Variants in CCDC85C observed in about 807,000 individuals in gnomAD.
CCDC85C encodes coiled-coil domain containing 85C.
CCDC85C carries 18 observed loss-of-function variants against 38.3 expected under a neutral mutation model. The ratio of observed to expected loss-of-function variants is 0.47; its 90% CI spans 0.33 to 0.70. CCDC85C has a LOEUF of 0.70. CCDC85C is among the 30% of genes least tolerant of loss of function. The probability of loss-of-function intolerance (pLI) is 0.03; values close to 1 mark genes in which losing one functional copy is unlikely to be tolerated. For missense variants in CCDC85C, 566 were observed against 621.2 expected, an observed-to-expected ratio of 0.91 and a Z score of 0.94; for synonymous variants, 264 against 293.8, an observed-to-expected ratio of 0.90 and a Z score of 1.04.
rs1178865808 is a variant in CCDC85C, at chr14:99,510,521, C to T, written c.*4725G>A. ...CTGTGCCTCCTCCCCCAGCCTCCTT[C>T]CCCCCACCTGCCATCCCACCCCCTA... is the stretch of plus-strand genomic sequence containing the variant. On this transcript the variant is annotated 3_prime_UTR_variant, in exon 6 of 6. Transcript: ENST00000380243. The T allele has an allele frequency of 3.5e-5, 20 of 566,056 alleles. No individual in the cohort carries two copies. In the African/African-American group the frequency reaches 4.5e-4, roughly 13 times the overall value. 35.1% of individuals were successfully genotyped at this position (566,056 alleles called of 1,614,324 possible). A position where few individuals can be genotyped will look rare whatever the true frequency, so the allele number is the denominator to read the frequency against.
intron 1 of CCDC85C, among the ~76,000 whole-genome samples, chr14:99,589,511 C>G (rs897100590): frequency 6.6e-6 from 1 of 152,146 alleles, no homozygotes; most frequent in Non-Finnish European, 1.5e-5. Flanking sequence ...CAGGCAGGAG[C>G]CTCACCAACT....
intron 1 of CCDC85C, among the ~76,000 whole-genome samples, chr14:99,595,914 T>C (rs2055137988): frequency 6.6e-6 from 1 of 152,202 alleles, no homozygotes; most frequent in South Asian, 2.1e-4. Context: ...AGGCACACGT[T>C]TGTTCCATCC....
chr14:99,507,141 C>T lies in CCDC85C; in HGVS notation c.*8105G>A. On this transcript the variant is annotated 3_prime_UTR_variant, in exon 6 of 6. Transcript: ENST00000380243. ...TCCACCGTTGCCTCCAGCCCACCCA[C>T]CTCCAGGTAAGCATCTGCTGAAGCA... 6.2e-7 allele frequency: 1 copy of T among 1,600,902 alleles called. No homozygotes were observed. The highest frequency in any genetic ancestry group is 8.6e-7 in the Non-Finnish European group (1 of 1,168,044).
rs547149751 is a variant in CCDC85C at position 99,516,326 on chromosome 14, C to T, written c.1072-40G>A. 1,141 of 1,438,770 alleles carry T rather than the reference C, an allele frequency of 7.9e-4. 21 individuals carry two copies. The South Asian group carries it at 0.013, about 17-fold the overall frequency. 89.1% of individuals were successfully genotyped at this position (1,438,770 alleles called of 1,614,324 possible). On this transcript the variant is annotated intron_variant, in intron 4 of 5. Coordinates refer to ENST00000380243, the MANE Select transcript of CCDC85C (RefSeq NM_001144995.2). The surrounding 1 kb of genome is among the most constrained non-coding windows in gnomAD (Gnocchi z 5.5). ...TCTCGGGGTCAGGGGCAGAGGCCACCGGCAGACCTCGGGCAAGTCACCTGG... is the reference window on the plus strand; with the variant it reads ...TCTCGGGGTCAGGGGCAGAGGCCACTGGCAGACCTCGGGCAAGTCACCTGG...
chr14:99,518,103 A>G (rs1168177439), intron 3 of CCDC85C, among the ~76,000 whole-genome samples: 1 of 152,044 alleles, frequency 6.6e-6, no homozygotes, highest in Non-Finnish European at 1.5e-5. Context: ...ACGCCTCCCA[A>G]CGGCCTGGCA....
Position 99,516,118 on chromosome 14 carries a change from T to C in CCDC85C, c.1170+70A>G. 2 of 1,169,284 alleles carry C rather than the reference T, an allele frequency of 1.7e-6. No homozygotes were observed. Among genetic ancestry groups the C allele is most frequent in the East Asian group, 5.1e-5 (2 of 39,238 alleles). 72.4% of individuals were successfully genotyped at this position (1,169,284 alleles called of 1,614,324 possible). Reference sequence around the variant, plus strand: ...ATGGAGTCCCACATGGGGAAGGGTATGGCCATGCTGGGTGGCCCTGGTCGC... The same window carrying C: ...ATGGAGTCCCACATGGGGAAGGGTACGGCCATGCTGGGTGGCCCTGGTCGC... On this transcript the variant is annotated intron_variant, in intron 5 of 5. Transcript: ENST00000380243. The surrounding 1 kb of genome is among the most constrained non-coding windows in gnomAD (Gnocchi z 5.5).
In CCDC85C at chr14:99,542,754, G is replaced by A. The variant is rs114964984; in HGVS notation, c.794-6666C>T. 7.0e-3 allele frequency among the ~76,000 whole-genome samples: 1,070 copies of A among 152,358 alleles called. 7 individuals are homozygous for A. The highest frequency in any genetic ancestry group is 0.023 in the African/African-American group (965 of 41,586). ...TAACCCTTGGCCGCTGCTTCATCCC[G>A]AGGTGGCCACTGCCCGCATGCCAGG... On this transcript the variant is annotated intron_variant, in intron 1 of 5. Coordinates refer to ENST00000380243, the MANE Select transcript of CCDC85C (RefSeq NM_001144995.2).
intron 1 of CCDC85C, among the ~76,000 whole-genome samples, chr14:99,559,385 C>T (rs1368864117): frequency 1.3e-5 from 2 of 152,132 alleles, no homozygotes; most frequent in East Asian, 3.8e-4. Context: ...TGTGGCCATT[C>T]GTGGTAGTGC....
chr14:99,546,250 C>T (rs1897806269), intron 1 of CCDC85C, among the ~76,000 whole-genome samples: 1 of 151,940 alleles, frequency 6.6e-6, no homozygotes, highest in South Asian at 2.1e-4. Context: ...TGATGCCCTG[C>T]CCCCACAGCT....
At chr14:99,571,000 C>T (rs1329901076) in intron 1 of CCDC85C, among the ~76,000 whole-genome samples, 7 of 152,160 alleles carry the variant, frequency 4.6e-5, no homozygotes, top group Non-Finnish European at 7.4e-5. Context: ...CAAAGTCAGC[C>T]CTGGAGCTTC....
At chr14:99,542,972 C>T (rs76470199) in intron 1 of CCDC85C, among the ~76,000 whole-genome samples, 2,653 of 152,176 alleles carry the variant, frequency 0.017, 87 homozygotes, top group African/African-American at 0.061. Context: ...CAACTCCAGG[C>T]CTGCCTACTC....
chr14:99,501,116 A>G lies in CCDC85C; in HGVS notation c.*14130T>C. On this transcript the variant is annotated 3_prime_UTR_variant, in exon 6 of 6. Transcript: ENST00000380243. ...CAGGAAAATGAGGCAGAATTTTTTA[A>G]ATGGACTAATAAACTTAGCCTTGGA... The G allele has an allele frequency of 1.7e-6, 1 of 600,596 alleles. No homozygotes were observed. The highest frequency in any genetic ancestry group is 2.9e-6 in the Non-Finnish European group (1 of 342,544). The allele number at this position is 600,596 out of a possible 1,614,324, so 37.2% of individuals were successfully genotyped here. A position where few individuals can be genotyped will look rare whatever the true frequency, so the allele number is the denominator to read the frequency against.
chr14:99,562,417 C>T (rs1157530222), intron 1 of CCDC85C, among the ~76,000 whole-genome samples: 1 of 152,220 alleles, frequency 6.6e-6, no homozygotes, highest in East Asian at 1.9e-4. Flanking sequence ...GGAACAGTAA[C>T]GCGCTGCTGG....
chr14:99,570,777 G>A (rs1401032573), intron 1 of CCDC85C, among the ~76,000 whole-genome samples: 1 of 151,812 alleles, frequency 6.6e-6, no homozygotes, highest in African/African-American at 2.4e-5. Flanking sequence ...TTTGGAGGAG[G>A]GGCAGAAAGA....
At chr14:99,581,240 G>C (rs2054965224) in intron 1 of CCDC85C, among the ~76,000 whole-genome samples, 1 of 152,240 alleles carries the variant, frequency 6.6e-6, no homozygotes, top group Non-Finnish European at 1.5e-5. Context: ...GGGCTCTCCA[G>C]GGCAAAGACC....
At chr14:99,531,583 T>G (rs1037930214) in intron 2 of CCDC85C, among the ~76,000 whole-genome samples, 55 of 90,750 alleles carry the variant, frequency 6.1e-4, no homozygotes, top group East Asian at 2.0e-3. Context: ...AGGCCATGGG[T>G]GGGGGGGGGG....
Position 99,515,222 on chromosome 14 carries a change from G to A in CCDC85C, c.*24C>T, listed in dbSNP as rs773964458. On this transcript the variant is annotated 3_prime_UTR_variant, in exon 6 of 6. Transcript: ENST00000380243. Reference sequence around the variant, plus strand: ...CCCCTGGGGACCCCCAGCAGGGCCAGTCCACGTCCACAGAAGAGTGGCCCT... The same window carrying A: ...CCCCTGGGGACCCCCAGCAGGGCCAATCCACGTCCACAGAAGAGTGGCCCT... 1.8e-5 allele frequency: 28 copies of A among 1,535,722 alleles called. No individual in the cohort carries two copies. The highest frequency in any genetic ancestry group is 1.9e-5 in the Non-Finnish European group (22 of 1,134,360).
chr14:99,598,307 T>C (rs2055164585), intron 1 of CCDC85C, among the ~76,000 whole-genome samples: 1 of 152,258 alleles, frequency 6.6e-6, no homozygotes, highest in Non-Finnish European at 1.5e-5. Flanking sequence ...GCAACAAGCA[T>C]GGATTGGAAA....
intron 1 of CCDC85C, among the ~76,000 whole-genome samples, chr14:99,585,414 C>T (rs963956883): frequency 6.6e-6 from 1 of 152,132 alleles, no homozygotes; most frequent in East Asian, 1.9e-4. Context: ...CAAACCCCCG[C>T]TCTGCCGCTT....
Sources: allele counts gnomAD v4.1 joint callset (sites outside exome capture counted in the v4.1 genomes callset), GRCh38; gene constraint gnomAD v4.1.1; non-coding constraint Gnocchi (gnomAD v3.1); transcripts MANE v1.5; gene names NCBI Gene and HGNC (gene_info 2026-07-23, HGNC 2026-07-21).